The following CNGB3 variants were observed in gnomAD, a reference collection of about 807,000 sequenced individuals.
CNGB3 encodes cyclic nucleotide-gated channel beta-3.
CNGB3 carries 86 observed loss-of-function variants against 92.8 expected under a neutral mutation model. The observed-to-expected ratio is 0.93, with a 90% CI of 0.78 to 1.11. The LOEUF (loss-of-function observed/expected upper bound fraction) is 1.11. Ranked by LOEUF, CNGB3 falls within the 50% of genes least tolerant of loss-of-function variation. CNGB3 has a pLI of 0.00. For missense variants in CNGB3, 1,026 were observed against 956.8 expected, an observed-to-expected ratio of 1.07 and a Z score of -0.95; for synonymous variants, 333 against 332.7, an observed-to-expected ratio of 1.00 and a Z score of -0.01.
intron 14 of CNGB3, among the ~76,000 whole-genome samples, chr8:86,609,555 A>T (rs1822479321): frequency 6.6e-6 from 1 of 152,152 alleles, no homozygotes. Context: ...TCAAAGTTAG[A>T]GGCAAGGCCC....
intron 14 of CNGB3, among the ~76,000 whole-genome samples, chr8:86,604,430 G>A (rs1206548678): frequency 2.6e-5 from 4 of 152,148 alleles, no homozygotes; most frequent in South Asian, 2.1e-4. Context: ...TTCTCAACAC[G>A]TGAGTACTGT....
At chr8:86,595,675 C>G (rs1822156475) in intron 15 of CNGB3, among the ~76,000 whole-genome samples, 1 of 152,054 alleles carries the variant, frequency 6.6e-6, no homozygotes, top group African/African-American at 2.4e-5. Flanking sequence ...ATTGTATCTA[C>G]TATTTCTACT....
intron 3 of CNGB3, among the ~76,000 whole-genome samples, chr8:86,679,836 T>C (rs1256168993): frequency 1.3e-5 from 2 of 152,090 alleles, no homozygotes; most frequent in Non-Finnish European, 2.9e-5. Context: ...AGGATTGGTG[T>C]CCTTATAAGA....
At chr8:86,735,229 G>C (rs183087376) in intron 2 of CNGB3, among the ~76,000 whole-genome samples, 1 of 130,272 alleles carries the variant, frequency 7.7e-6, no homozygotes, top group Admixed American at 9.0e-5. Flanking sequence ...TGCAAGCTCC[G>C]CTTCCAGGGT....
intron 13 of CNGB3, among the ~76,000 whole-genome samples, chr8:86,616,904 C>A (rs984728339): frequency 6.6e-6 from 1 of 152,132 alleles, no homozygotes; most frequent in African/African-American, 2.4e-5. Flanking sequence ...ACACTTGGAG[C>A]AACTTGAGAT....
chr8:86,719,600 C>A (rs545632712), intron 3 of CNGB3, among the ~76,000 whole-genome samples: 1 of 152,202 alleles, frequency 6.6e-6, no homozygotes, highest in African/African-American at 2.4e-5. Flanking sequence ...AGTGTAATTC[C>A]TGTCAAAAAT....
chr8:86,628,094 T>TA (rs1259496876), intron 12 of CNGB3, among the ~76,000 whole-genome samples: 1 of 152,220 alleles, frequency 6.6e-6, no homozygotes, highest in African/African-American at 2.4e-5. Context: ...AAAATTTGTG[T>TA]TAATAGTAAG....
chr8:86,593,902 G>C (rs1169364954), intron 15 of CNGB3: 2 of 602,336 alleles, frequency 3.3e-6, no homozygotes, highest in Non-Finnish European at 6.1e-6. Context: ...ACTGCTGGTA[G>C]TCACCGCCTG....
rs1031324821 is a variant in CNGB3 at position 86,575,696 on chromosome 8, G to A, written c.*108C>T. 58 of 960,764 alleles carry A rather than the reference G, an allele frequency of 6.0e-5. No individual in the cohort carries two copies. The highest frequency in any genetic ancestry group is 1.2e-4 in the Admixed American group (5 of 41,470). The allele number at this position is 960,764 out of a possible 1,614,324, so 59.5% of individuals were successfully genotyped here. ...AAACTAAGCTAGGGATTTGCCTTTC[G>A]TTTCTCAAGGGTCCCAGCATGTCGT... On this transcript the variant is annotated 3_prime_UTR_variant, in exon 18 of 18. Transcript: ENST00000320005.
At chr8:86,599,030 A>G (rs1465551900) in intron 15 of CNGB3, among the ~76,000 whole-genome samples, 4 of 152,188 alleles carry the variant, frequency 2.6e-5, no homozygotes, top group African/African-American at 9.7e-5. Context: ...GTGTGCACAC[A>G]TCATTTGAGG....
chr8:86,681,519 G>A (rs1824082499), intron 3 of CNGB3, among the ~76,000 whole-genome samples: 1 of 152,048 alleles, frequency 6.6e-6, no homozygotes, highest in South Asian at 2.1e-4. Flanking sequence ...CCAAAGGAGA[G>A]AACAGAGGAA....
intron 14 of CNGB3, among the ~76,000 whole-genome samples, chr8:86,606,207 T>C (rs1166112076): frequency 7.0e-6 from 1 of 142,370 alleles, no homozygotes; most frequent in Non-Finnish European, 1.5e-5. Context: ...TAGAGTGCAG[T>C]GGGCATGATC....
chr8:86,657,438 A>G, intron 6 of CNGB3: 1 of 511,086 alleles, frequency 2.0e-6, no homozygotes. Flanking sequence ...AATGGAATGC[A>G]GGGGTTGCTG....
chr8:86,607,400 G>A (rs1392017351), intron 14 of CNGB3, among the ~76,000 whole-genome samples: 3 of 152,164 alleles, frequency 2.0e-5, no homozygotes, highest in Non-Finnish European at 4.4e-5. Flanking sequence ...TTCATGTAGA[G>A]TGAGGTAACC....
At chr8:86,730,035 T>G (rs1450829541) in intron 2 of CNGB3, among the ~76,000 whole-genome samples, 1 of 152,242 alleles carries the variant, frequency 6.6e-6, no homozygotes, top group East Asian at 1.9e-4. Flanking sequence ...CAAAGTATTC[T>G]GACGTGGTTG....
At chr8:86,673,340 G>A (rs1184634220) in intron 3 of CNGB3, among the ~76,000 whole-genome samples, 2 of 152,212 alleles carry the variant, frequency 1.3e-5, no homozygotes, top group Non-Finnish European at 2.9e-5. Context: ...TTTAGGCATG[G>A]AGAGTGATAT....
chr8:86,629,033 G>A lies in CNGB3; in HGVS notation c.1366C>T (p.Arg456Cys), dbSNP rs544695310. 1.9e-5 allele frequency: 30 copies of A among 1,613,988 alleles called. No homozygotes were observed. The highest frequency in any genetic ancestry group is 4.5e-5 in the East Asian group (2 of 44,872). The change falls in exon 12 of 18, where the codon CGC becomes TGC. Residue 456 changes from arginine (R) to cysteine (C), a missense_variant. Arg to Cys is a radical substitution (Grantham distance 180, BLOSUM62 -3). Transcript: ENST00000320005. ...GAATANQNYF[R>C]ACMDDTIAYM... ...GCAATGGTGTCATCCATGCAGGCGC[G>A]GAAGTAGTTCTGATTGGCTGTAGCT...
At chr8:86,636,675 C>G (rs1371365421) in intron 10 of CNGB3, among the ~76,000 whole-genome samples, 2 of 146,680 alleles carry the variant, frequency 1.4e-5, no homozygotes, top group Non-Finnish European at 3.0e-5. Context: ...TTATGCCATA[C>G]AGTAGATTTC....
chr8:86,679,385 T>C (rs557726650), intron 3 of CNGB3, among the ~76,000 whole-genome samples: 1 of 152,148 alleles, frequency 6.6e-6, no homozygotes, highest in African/African-American at 2.4e-5. Flanking sequence ...AATTCATATG[T>C]TGTAGTCCTA....
Sources: gnomAD v4.1 joint callset for allele counts (sites outside exome capture counted in the v4.1 genomes callset) on GRCh38, gnomAD v4.1.1 for gene constraint, MANE v1.5 for transcripts, NCBI Gene and HGNC (gene_info 2026-07-23, HGNC 2026-07-21) for gene names.